Variants in NSUN3 observed in about 807,000 individuals in gnomAD.
NSUN3 encodes the protein tRNA (cytosine(34)-C(5))-methyltransferase, mitochondrial.
NSUN3 carries 24 observed loss-of-function variants against 36.8 expected under a neutral mutation model. That is an observed-to-expected ratio of 0.65 (90% confidence interval 0.47 to 0.92). The LOEUF (loss-of-function observed/expected upper bound fraction) is 0.92. Ranked by LOEUF, NSUN3 falls within the 40% of genes least tolerant of loss-of-function variation. The pLI is 0.00. For missense variants in NSUN3, 381 were observed against 392.8 expected, an observed-to-expected ratio of 0.97 and a Z score of 0.25; for synonymous variants, 146 against 145.2, an observed-to-expected ratio of 1.01 and a Z score of -0.04.
intron 5 of NSUN3, among the ~76,000 whole-genome samples, chr3:94,106,564 C>T (rs181135005): frequency 2.0e-5 from 3 of 152,288 alleles, no homozygotes; most frequent in African/African-American, 7.2e-5. Flanking sequence ...TTATAGTACC[C>T]TGAAACTTAA....
At chr3:94,064,569 C>A in intron 2 of NSUN3, 23 bp downstream of exon 2, 1 of 1,373,860 alleles carries the variant, frequency 7.3e-7, no homozygotes, top group Non-Finnish European at 1.0e-6. Flanking sequence ...CATCTCGATG[C>A]TTTATGATGG....
At position 94,130,213 on chromosome 3, in the gene NSUN3, T is replaced by G. The variant is rs1448992175; in HGVS notation, c.*3723T>G. Among the ~76,000 whole-genome samples the G allele has an allele frequency of 6.6e-6, 1 of 152,118 alleles. No homozygotes were observed. The highest frequency in any genetic ancestry group is 2.4e-5 in the African/African-American group (1 of 41,434). The stretch of plus-strand genomic sequence containing the variant: ...AATGTATAGACAGACTGTATAGATA[T>G]ATGAAGTGGGGGTGGGGGCCAAGGA... On this transcript the variant is annotated 3_prime_UTR_variant, in exon 6 of 6. Coordinates refer to ENST00000314622, the MANE Select transcript of NSUN3 (RefSeq NM_022072.5).
At chr3:94,116,985 C>CTTTTTTTTTTTTTTTTTTTTTTTTTTT (rs60234250) in intron 5 of NSUN3, among the ~76,000 whole-genome samples, 1 of 63,958 alleles carries the variant, frequency 1.6e-5, no homozygotes, top group Non-Finnish European at 2.8e-5. Context: ...TCTGCCACAA[C>CTTTTTTTTTTTTTTTTTTTTTTTTTTT]TTTTTTTTTT....
intron 2 of NSUN3, among the ~76,000 whole-genome samples, chr3:94,067,016 T>A (rs2077206421): frequency 6.6e-6 from 1 of 152,194 alleles, no homozygotes; most frequent in Non-Finnish European, 1.5e-5. Context: ...TTTACCTGGG[T>A]GTTGAGGTCA....
intron 5 of NSUN3, among the ~76,000 whole-genome samples, chr3:94,123,229 G>A (rs76903663): frequency 0.014 from 2,095 of 152,206 alleles, 47 homozygotes; most frequent in African/African-American, 0.047. Context: ...CTCTCACTCT[G>A]AGGCTTCACT....
intron 5 of NSUN3, among the ~76,000 whole-genome samples, chr3:94,104,683 G>GTAT: frequency 6.6e-6 from 1 of 152,168 alleles, no homozygotes; most frequent in East Asian, 1.9e-4. Flanking sequence ...AGCTACTGAA[G>GTAT]TATTTCTAAT....
chr3:94,099,419 C>T (rs1576093371), intron 5 of NSUN3, among the ~76,000 whole-genome samples: 1 of 152,110 alleles, frequency 6.6e-6, no homozygotes, highest in East Asian at 1.9e-4. Context: ...GTTTTAGTAG[C>T]ACATCACTTC....
chr3:94,071,659 G>T (rs1375283492), intron 2 of NSUN3, among the ~76,000 whole-genome samples: 1 of 152,104 alleles, frequency 6.6e-6, no homozygotes, highest in Admixed American at 6.6e-5. Flanking sequence ...TAGCAAATTT[G>T]CAGGTCACTG....
chr3:94,072,309 AC>A (rs1263045711), intron 2 of NSUN3, among the ~76,000 whole-genome samples: 1 of 152,184 alleles, frequency 6.6e-6, no homozygotes, highest in Non-Finnish European at 1.5e-5. Context: ...TGAATCAGAT[AC>A]TTCTGCGTAC....
At chr3:94,089,740 C>G (rs888868398) in intron 3 of NSUN3, among the ~76,000 whole-genome samples, 5 of 152,164 alleles carry the variant, frequency 3.3e-5, no homozygotes, top group Admixed American at 2.6e-4. Context: ...CACTTGACCT[C>G]CAGAGTACTC....
At chr3:94,087,062 C>G (rs941796046) in intron 3 of NSUN3, among the ~76,000 whole-genome samples, 2 of 152,178 alleles carry the variant, frequency 1.3e-5, no homozygotes, top group African/African-American at 4.8e-5. Context: ...CTGATATATT[C>G]TAGCAGTTTG....
intron 1 of NSUN3, 52 bp downstream of exon 1, chr3:94,063,190 A>G (rs548771238): frequency 1.9e-6 from 3 of 1,604,850 alleles, no homozygotes; most frequent in Non-Finnish European, 2.6e-6. Context: ...ACGCTTCTGG[A>G]CGCGGCCGAG....
chr3:94,068,687 C>G (rs1223315656), intron 2 of NSUN3, among the ~76,000 whole-genome samples: 3 of 150,666 alleles, frequency 2.0e-5, no homozygotes, highest in Admixed American at 1.3e-4. Flanking sequence ...GAAAGCAAAA[C>G]AAACAGACCA....
At chr3:94,083,030 T>TAGG (rs950021686) in intron 2 of NSUN3, among the ~76,000 whole-genome samples, 1 of 152,024 alleles carries the variant, frequency 6.6e-6, no homozygotes, top group Non-Finnish European at 1.5e-5. Context: ...ATATTGTCTC[T>TAGG]AAGAAAAACA....
rs1055835944 is a variant in NSUN3 at position 94,131,352 on chromosome 3, C to T, written c.*4862C>T. 2.6e-5 allele frequency among the ~76,000 whole-genome samples: 4 copies of T among 152,182 alleles called. No individual in the cohort carries two copies. Among genetic ancestry groups the T allele is most frequent in the African/African-American group, 4.8e-5 (2 of 41,448 alleles). On this transcript the variant is annotated 3_prime_UTR_variant, in exon 6 of 6. Transcript: ENST00000314622. ...CAAAACTGGCTCCGAGGTCCAGGCC[C>T]TTTTCCCAACACTATGCTGTCTCAC... is the stretch of plus-strand genomic sequence containing the variant.
At chr3:94,103,120 C>G (rs143470663) in intron 5 of NSUN3, among the ~76,000 whole-genome samples, 10 of 152,242 alleles carry the variant, frequency 6.6e-5, no homozygotes, top group African/African-American at 2.2e-4. Context: ...CTCCCAACCT[C>G]AGGTAACCCA....
chr3:94,084,139 A>G lies in NSUN3; in HGVS notation c.155A>G (p.Tyr52Cys), dbSNP rs1316793692. ...EILTSPSCWQ[Y>C]AVLLNRFNYP... ...CTAACATCTCCATCATGCTGGCAAT[A>G]TGCTGTCCTGCTTAACCGATTCAAT... The change falls in exon 3 of 6, where the codon TAT becomes TGT. Residue 52 changes from tyrosine (Y) to cysteine (C), a missense_variant. By Grantham distance (194) the Tyr-to-Cys change is radical (BLOSUM62 -2). Transcript: ENST00000314622. 1.9e-6 allele frequency: 3 copies of G among 1,613,940 alleles called. No homozygotes were observed. Among genetic ancestry groups the G allele is most frequent in the Non-Finnish European group, 2.5e-6 (3 of 1,179,966 alleles).
At chr3:94,090,813 T>A (rs2077311926) in intron 3 of NSUN3, among the ~76,000 whole-genome samples, 2 of 152,120 alleles carry the variant, frequency 1.3e-5, no homozygotes, top group Admixed American at 6.5e-5. Flanking sequence ...ATGAAAAACT[T>A]ACATGTTTTT....
intron 1 of NSUN3, 39 bp from the exon 2 acceptor site, chr3:94,064,398 A>G: frequency 8.1e-7 from 1 of 1,229,504 alleles, no homozygotes; most frequent in Non-Finnish European, 1.2e-6. Context: ...TAAATTTGTA[A>G]TATCACTGTG....
Sources: gnomAD v4.1 joint callset for allele counts (sites outside exome capture counted in the v4.1 genomes callset) on GRCh38, gnomAD v4.1.1 for gene constraint, MANE v1.5 for transcripts, NCBI Gene and HGNC (gene_info 2026-07-23, HGNC 2026-07-21) for gene names.